Variants in CCDC192 observed in about 807,000 individuals in gnomAD.
The protein encoded by CCDC192 is coiled-coil domain-containing protein 192.
intron 6 of CCDC192, among the ~76,000 whole-genome samples, chr5:127,938,368 A>G (rs1754242085): frequency 6.6e-6 from 1 of 152,162 alleles, no homozygotes; most frequent in African/African-American, 2.4e-5. Flanking sequence ...GGGGTAACAG[A>G]AAAATAATCT....
intron 2 of CCDC192, among the ~76,000 whole-genome samples, chr5:127,743,173 AACC>A (rs545820006): frequency 5.3e-5 from 8 of 151,972 alleles, no homozygotes; most frequent in Non-Finnish European, 1.0e-4. Flanking sequence ...GCTTCCCTCC[AACC>A]ACCAAGACTG....
At chr5:127,710,646 G>A (rs912461942) in intron 2 of CCDC192, among the ~76,000 whole-genome samples, 4 of 152,162 alleles carry the variant, frequency 2.6e-5, no homozygotes, top group African/African-American at 9.7e-5. Context: ...TCCAGGCGTA[G>A]TAGCAGGTGA....
chr5:127,717,205 A>C (rs1751671845), intron 2 of CCDC192, among the ~76,000 whole-genome samples: 1 of 152,188 alleles, frequency 6.6e-6, no homozygotes, highest in African/African-American at 2.4e-5. Flanking sequence ...AATCATTGCA[A>C]TGTTCATATA....
intron 3 of CCDC192, among the ~76,000 whole-genome samples, chr5:127,773,684 T>C (rs779742307): frequency 1.3e-5 from 2 of 152,246 alleles, no homozygotes; most frequent in Non-Finnish European, 2.9e-5. Context: ...CATCTGTTGA[T>C]GGACATTTGG....
Position 127,849,225 on chromosome 5 carries a change from C to T in CCDC192, c.412-26313C>T, listed in dbSNP as rs375566985. Among the ~76,000 whole-genome samples the T allele has an allele frequency of 2.2e-4, 34 of 152,242 alleles. No homozygotes were observed. In the Middle Eastern group the frequency reaches 0.014, roughly 61 times the overall value. On this transcript the variant is annotated intron_variant, in intron 5 of 6. Transcript: ENST00000514853. ...CCAGCCTAGGCGAAAGAGTGAGACTCTGTCTCAAAAATAAATAAATAAATA... is the reference window on the plus strand; with the variant it reads ...CCAGCCTAGGCGAAAGAGTGAGACTTTGTCTCAAAAATAAATAAATAAATA...
chr5:127,881,130 A>G (rs1198424044), intron 6 of CCDC192, among the ~76,000 whole-genome samples: 1 of 152,218 alleles, frequency 6.6e-6, no homozygotes, highest in African/African-American at 2.4e-5. Context: ...GTATAATTTC[A>G]GACCCCATAA....
intron 3 of CCDC192, among the ~76,000 whole-genome samples, chr5:127,757,794 ACACACTCTCT>A (rs1280128275): frequency 7.0e-5 from 7 of 100,036 alleles, no homozygotes; most frequent in African/African-American, 2.6e-4. Context: ...ACACACACAC[ACACACTCTCT>A]CTCTCTCTCT....
At chr5:127,738,517 G>C (rs1408816781) in intron 2 of CCDC192, among the ~76,000 whole-genome samples, 1 of 143,786 alleles carries the variant, frequency 7.0e-6, no homozygotes, top group African/African-American at 2.6e-5. Flanking sequence ...ATAATATCCT[G>C]CAGAGTGTTT....
chr5:127,731,151 A>G (rs1355472745), intron 2 of CCDC192, among the ~76,000 whole-genome samples: 1 of 152,218 alleles, frequency 6.6e-6, no homozygotes, highest in Non-Finnish European at 1.5e-5. Flanking sequence ...TAAGCTGATA[A>G]GCAACTTCAG....
At chr5:127,749,996 TTCTC>T (rs1320818262) in intron 2 of CCDC192, among the ~76,000 whole-genome samples, 3 of 152,134 alleles carry the variant, frequency 2.0e-5, no homozygotes, top group Admixed American at 6.5e-5. Flanking sequence ...TATTTGATTC[TTCTC>T]TCTTTTTTTC....
chr5:127,814,463 G>T (rs1327467479), intron 5 of CCDC192, among the ~76,000 whole-genome samples: 1 of 152,132 alleles, frequency 6.6e-6, no homozygotes, highest in African/African-American at 2.4e-5. Flanking sequence ...CCCTTGCAAG[G>T]CTGCCATGTT....
chr5:127,720,361 A>G (rs746127776), intron 2 of CCDC192, among the ~76,000 whole-genome samples: 8 of 152,222 alleles, frequency 5.3e-5, no homozygotes, highest in Non-Finnish European at 1.0e-4. Context: ...CTTTGCCTCC[A>G]TGTTTCACAT....
At chr5:127,818,985 A>G (rs572436867) in intron 5 of CCDC192, among the ~76,000 whole-genome samples, 7 of 152,242 alleles carry the variant, frequency 4.6e-5, no homozygotes, top group African/African-American at 1.7e-4. Context: ...TACCCCACAT[A>G]ATGGATTCAT....
At chr5:127,836,526 C>G (rs1376720837) in intron 5 of CCDC192, among the ~76,000 whole-genome samples, 1 of 152,232 alleles carries the variant, frequency 6.6e-6, no homozygotes, top group African/African-American at 2.4e-5. Flanking sequence ...AGATTCTCCA[C>G]AAGGACTTCA....
chr5:127,875,867 G>A (rs554909490), intron 6 of CCDC192, among the ~76,000 whole-genome samples: 6 of 152,086 alleles, frequency 3.9e-5, no homozygotes, highest in South Asian at 2.1e-4. Flanking sequence ...CGGTTTGCTC[G>A]TTAAGGGAAA....
intron 2 of CCDC192, among the ~76,000 whole-genome samples, chr5:127,752,892 A>G (rs932657078): frequency 1.3e-5 from 2 of 151,864 alleles, no homozygotes; most frequent in Non-Finnish European, 2.9e-5. Context: ...GCCGTTCGTC[A>G]CCCCTTTCTT....
chr5:127,887,094 G>A (rs978154016), intron 6 of CCDC192, among the ~76,000 whole-genome samples: 7 of 152,066 alleles, frequency 4.6e-5, no homozygotes, highest in Admixed American at 1.3e-4. Flanking sequence ...TTGGGAGGCC[G>A]AGGCAGGCTG....
At chr5:127,899,752 T>C (rs1752989309) in intron 6 of CCDC192, among the ~76,000 whole-genome samples, 1 of 152,180 alleles carries the variant, frequency 6.6e-6, no homozygotes, top group South Asian at 2.1e-4. Context: ...GTTTTCAAAA[T>C]CACAGCAAGT....
chr5:127,779,459 C>T lies in CCDC192; in HGVS notation c.223-17644C>T, dbSNP rs186562660. Among the ~76,000 whole-genome samples the T allele has an allele frequency of 4.6e-5, 7 of 151,958 alleles. No homozygotes were observed. The East Asian group carries it at 1.4e-3, about 29-fold the overall frequency. Reference sequence around the variant, plus strand: ...TACAGGTGCCCGCCACCACGCCTGGCTAATTTATTGTATTTTTAGTAGAGA... The same window carrying T: ...TACAGGTGCCCGCCACCACGCCTGGTTAATTTATTGTATTTTTAGTAGAGA... On this transcript the variant is annotated intron_variant, in intron 3 of 6. Transcript: ENST00000514853.
Sources: allele counts gnomAD v4.1 joint callset (sites outside exome capture counted in the v4.1 genomes callset), GRCh38; gene constraint gnomAD v4.1.1; transcripts MANE v1.5; gene names NCBI Gene and HGNC (gene_info 2026-07-23, HGNC 2026-07-21).